The following MTSS2 variants were observed in gnomAD, a reference collection of about 807,000 sequenced individuals.
MTSS2 encodes MTSS I-BAR domain containing 2, also known as protein MTSS 2.
In MTSS2, 27 loss-of-function variants were observed where a neutral mutation model predicts 67.1. The observed-to-expected ratio is 0.40, with a 90% CI of 0.30 to 0.55. The LOEUF (loss-of-function observed/expected upper bound fraction) is 0.55. Ranked by LOEUF, MTSS2 falls within the 20% of genes least tolerant of loss-of-function variation. MTSS2 has a pLI of 0.43. For synonymous variants in MTSS2, 624 were observed against 468.6 expected (o/e 1.33, Z -4.28); for missense variants, 1,171 against 1,067.8 (o/e 1.10, Z -1.35).
intron 9 of MTSS2, among the ~76,000 whole-genome samples, chr16:70,677,518 G>C (rs537828706): frequency 6.6e-6 from 1 of 152,254 alleles, no homozygotes; most frequent in East Asian, 1.9e-4. Flanking sequence ...TGCCCACATG[G>C]AGCAGGGCAG....
chr16:70,665,297 G>A, intron 12 of MTSS2, 169 bp downstream of exon 12: 1 of 914,202 alleles, frequency 1.1e-6, no homozygotes, highest in Non-Finnish European at 1.6e-6. Context: ...GGCTGTGTGG[G>A]CAGTGACTGT....
At position 70,663,360 on chromosome 16, in the gene MTSS2, G is replaced by C. The variant is rs2052563997; in HGVS notation, c.*317C>G. Reference sequence around the variant, plus strand: ...GAGGCCAGCCTGGCCCCTCTGTCATGGGCAGCGGCCCTGGCTCTGGTGCTT... The same window carrying C: ...GAGGCCAGCCTGGCCCCTCTGTCATCGGCAGCGGCCCTGGCTCTGGTGCTT... On this transcript the variant is annotated 3_prime_UTR_variant, in exon 15 of 15. Coordinates refer to ENST00000338779, the MANE Select transcript of MTSS2 (RefSeq NM_138383.3). 2 of 382,804 alleles carry C rather than the reference G, an allele frequency of 5.2e-6. No homozygotes were observed. The highest frequency in any genetic ancestry group is 5.0e-5 in the East Asian group (1 of 20,196). 23.7% of individuals were successfully genotyped at this position (382,804 alleles called of 1,614,324 possible).
chr16:70,665,643 G>A (rs1354561989), intron 11 of MTSS2, 103 bp from the exon 12 acceptor site: 2 of 1,007,602 alleles, frequency 2.0e-6, no homozygotes, highest in East Asian at 2.6e-5. Context: ...ATGCAGGGGG[G>A]CGGTTCAATT....
At chr16:70,682,141 G>A (rs1443652429) in intron 1 of MTSS2, among the ~76,000 whole-genome samples, 1 of 152,142 alleles carries the variant, frequency 6.6e-6, no homozygotes, top group Non-Finnish European at 1.5e-5. Context: ...GCGGCTTAGG[G>A]GGCCTCAGAA....
chr16:70,676,037 G>C (rs1479518457), intron 10 of MTSS2, among the ~76,000 whole-genome samples: 1 of 152,206 alleles, frequency 6.6e-6, no homozygotes, highest in Non-Finnish European at 1.5e-5. Flanking sequence ...CGCAGGGTCT[G>C]AAGAGCCTCT....
intron 11 of MTSS2, among the ~76,000 whole-genome samples, chr16:70,673,261 A>T (rs1401618437): frequency 6.6e-6 from 1 of 152,224 alleles, no homozygotes; most frequent in Non-Finnish European, 1.5e-5. Context: ...AATAAAAATA[A>T]ATCCACATTG....
At chr16:70,674,248 G>A (rs2053036176) in intron 11 of MTSS2, 58 bp downstream of exon 11, 1 of 1,521,840 alleles carries the variant, frequency 6.6e-7, no homozygotes, top group South Asian at 1.2e-5. Context: ...TGGCTTGCCT[G>A]ATGCTGGCAT....
rs1178394912 is a variant in MTSS2, at chr16:70,664,029, G to C, written c.1892C>G (p.Ala631Gly). The C allele has an allele frequency of 6.2e-7, 1 of 1,607,410 alleles. No individual in the cohort carries two copies. The highest frequency in any genetic ancestry group is 2.2e-5 in the East Asian group (1 of 44,716). ...ETASPLAPDL[A>G]KASPKRLSLP... ...GCTGAGCCTCTTTGGGGAGGCCTTG[G>C]CGAGGTCCGGTGCCAGGGGTGAGGC... is the stretch of plus-strand genomic sequence containing the variant. The change falls in exon 15 of 15, where the codon GCC (alanine) becomes GGC (glycine). Residue 631 changes from alanine to glycine, a missense_variant. By Grantham distance (60) the Ala-to-Gly change is moderately conservative. Transcript: ENST00000338779.
In MTSS2 at chr16:70,681,168, G is replaced by A. The variant is rs2053294743; in HGVS notation, c.70-143C>T. On this transcript the variant is annotated intron_variant, in intron 1 of 14. Coordinates refer to ENST00000338779, the MANE Select transcript of MTSS2 (RefSeq NM_138383.3). ...TGCCCCATGGAGAGGGAGGCTCTGG[G>A]TCCTCTCGGAGGGCAGAGGACCAAG... 7 of 744,912 alleles carry A rather than the reference G, an allele frequency of 9.4e-6. 1 individual carries two copies. The highest frequency in any genetic ancestry group is 5.4e-5 in the East Asian group (2 of 36,856). 46.1% of individuals were successfully genotyped at this position (744,912 alleles called of 1,614,324 possible).
chr16:70,673,735 A>G (rs1348533672), intron 11 of MTSS2, among the ~76,000 whole-genome samples: 1 of 152,050 alleles, frequency 6.6e-6, no homozygotes, highest in South Asian at 2.1e-4. Flanking sequence ...AAAAAAAAAG[A>G]GAAAATAATA....
intron 12 of MTSS2, 29 bp from the exon 13 acceptor site, chr16:70,665,125 G>GA (rs766155932): frequency 4.4e-6 from 7 of 1,574,760 alleles, no homozygotes; most frequent in Non-Finnish European, 5.1e-6. Context: ...AGGTCAGGGG[G>GA]ACCACTGGCC....
intron 11 of MTSS2, among the ~76,000 whole-genome samples, chr16:70,672,092 A>T (rs987268247): frequency 2.0e-5 from 3 of 152,216 alleles, no homozygotes; most frequent in African/African-American, 7.2e-5. Flanking sequence ...TCATGCCTGT[A>T]ATCCCAGCAC....
Position 70,685,752 on chromosome 16 carries a change from G to T in MTSS2, c.40C>A (p.Leu14Ile). ...AEKECGALGG[L>I]FQAIVNDMKS... ...ATGTCGTTGACTATGGCCTGGAAGA[G>T]CCCGCCCAGGGCGCCGCACTCCTTC... is the stretch of plus-strand genomic sequence containing the variant. Residue 14 changes from leucine to isoleucine, a missense_variant, in exon 1 of 15, where the codon CTC (leucine) becomes ATC (isoleucine). By Grantham distance (5) the Leu-to-Ile change is conservative. Coordinates refer to ENST00000338779, the MANE Select transcript of MTSS2 (RefSeq NM_138383.3). 1 of 1,392,166 alleles carries T rather than the reference G, an allele frequency of 7.2e-7. No individual in the cohort carries two copies. 86.2% of individuals were successfully genotyped at this position (1,392,166 alleles called of 1,614,324 possible).
chr16:70,680,918 G>GGGGGGGGCCCC, intron 2 of MTSS2, 46 bp downstream of exon 2: 1 of 1,097,922 alleles, frequency 9.1e-7, no homozygotes. Flanking sequence ...CGGGGGGGGG[G>GGGGGGGGCCCC]CCTCTGCCTG....
At chr16:70,679,911 C>T (rs535564130) in intron 4 of MTSS2, 34 bp from the exon 5 acceptor site, 7 of 1,549,842 alleles carry the variant, frequency 4.5e-6, no homozygotes, top group Non-Finnish European at 4.3e-6. Context: ...AGGTCAGGGC[C>T]GGGCTCCCCC....
chr16:70,680,434 A>G (rs2053267282), intron 3 of MTSS2, among the ~76,000 whole-genome samples: 1 of 152,156 alleles, frequency 6.6e-6, no homozygotes, highest in South Asian at 2.1e-4. Flanking sequence ...ACCAGAGGGC[A>G]GAGGCGGCGC....
chr16:70,685,776 T>C lies in MTSS2; in HGVS notation c.16A>G (p.Lys6Glu), dbSNP rs2053438949. The C allele has an allele frequency of 1.5e-6, 2 of 1,368,744 alleles. No homozygotes were observed. Among genetic ancestry groups the C allele is most frequent in the Non-Finnish European group, 1.9e-6 (2 of 1,040,850 alleles). The allele number at this position is 1,368,744 out of a possible 1,614,324, so 84.8% of individuals were successfully genotyped here. Residue 6 changes from lysine (K) to glutamate (E), a missense_variant, in exon 1 of 15, where the codon AAG becomes GAG. Coordinates refer to ENST00000338779, the MANE Select transcript of MTSS2 (RefSeq NM_138383.3). METAEKECGALGGLFQ... is the reference protein window; with the variant it reads METAEEECGALGGLFQ... ...AGCCCGCCCAGGGCGCCGCACTCCT[T>C]CTCCGCCGTCTCCATGCTCTGGCTG... is the stretch of plus-strand genomic sequence containing the variant.
chr16:70,677,603 G>C (rs2053161576), intron 9 of MTSS2, among the ~76,000 whole-genome samples, 189 bp downstream of exon 9: 1 of 152,162 alleles, frequency 6.6e-6, no homozygotes, highest in African/African-American at 2.4e-5. Context: ...TGCTGGCCAG[G>C]GCATACCCTC....
chr16:70,666,738 G>A (rs1017570490), intron 11 of MTSS2, among the ~76,000 whole-genome samples: 1 of 152,150 alleles, frequency 6.6e-6, no homozygotes, highest in Non-Finnish European at 1.5e-5. Flanking sequence ...AAACTCAATG[G>A]AAAAAGTATT....
Sources: allele counts gnomAD v4.1 joint callset (sites outside exome capture counted in the v4.1 genomes callset), GRCh38; gene constraint gnomAD v4.1.1; transcripts MANE v1.5; gene names NCBI Gene and HGNC (gene_info 2026-07-23, HGNC 2026-07-21).